CRIM1: variants seen among roughly 807,000 people sequenced by gnomAD.
CRIM1 encodes the protein cysteine-rich motor neuron 1 protein.
In CRIM1, 32 loss-of-function variants were observed where a neutral mutation model predicts 116.4. That is an observed-to-expected ratio of 0.27 (90% confidence interval 0.21 to 0.37). The LOEUF (loss-of-function observed/expected upper bound fraction) is 0.37. CRIM1 is among the 10% of genes least tolerant of loss of function. The pLI, the probability that CRIM1 is intolerant of heterozygous loss-of-function variation, is 1.00. For synonymous variants in CRIM1, 590 were observed against 509.2 expected (o/e 1.16, Z -2.13); for missense variants, 1,331 against 1,354.8 (o/e 0.98, Z 0.28).
intron 4 of CRIM1, among the ~76,000 whole-genome samples, chr2:36,450,969 T>G (rs1014129178): frequency 7.9e-5 from 12 of 152,236 alleles, no homozygotes; most frequent in African/African-American, 2.9e-4. Context: ...TGACTCATAC[T>G]GGATGAGGCC....
chr2:36,469,781 T>G (rs1014962345), intron 5 of CRIM1, among the ~76,000 whole-genome samples: 9 of 152,212 alleles, frequency 5.9e-5, no homozygotes, highest in African/African-American at 4.8e-5. Context: ...AGAGCAATAC[T>G]CCACTCAGTA....
intron 1 of CRIM1, among the ~76,000 whole-genome samples, chr2:36,366,816 A>G (rs1669635423): frequency 1.3e-5 from 2 of 152,236 alleles, no homozygotes; most frequent in African/African-American, 4.8e-5. Flanking sequence ...ACTTCTTTTT[A>G]AGACTGCGAA....
chr2:36,400,860 C>T (rs1672353008), intron 2 of CRIM1, among the ~76,000 whole-genome samples: 1 of 151,998 alleles, frequency 6.6e-6, no homozygotes. Context: ...TGATGGATGA[C>T]CTGGCGAATT....
intron 7 of CRIM1, among the ~76,000 whole-genome samples, chr2:36,491,573 T>C (rs1680228525): frequency 6.6e-6 from 1 of 152,202 alleles, no homozygotes; most frequent in South Asian, 2.1e-4. Flanking sequence ...TACACTGACT[T>C]TAGGTGCTTA....
At chr2:36,433,320 A>G (rs1255150637) in intron 2 of CRIM1, among the ~76,000 whole-genome samples, 1 of 152,208 alleles carries the variant, frequency 6.6e-6, no homozygotes, top group Non-Finnish European at 1.5e-5. Flanking sequence ...TATGAATGCA[A>G]TTCCATAACA....
intron 9 of CRIM1, 113 bp downstream of exon 9, chr2:36,510,252 G>A: frequency 1.0e-6 from 1 of 969,954 alleles, no homozygotes; most frequent in South Asian, 1.7e-5. Flanking sequence ...ATTGAGCCCA[G>A]AATGTCTATA....
chr2:36,362,923 C>T (rs551272514), intron 1 of CRIM1, among the ~76,000 whole-genome samples: 8 of 152,126 alleles, frequency 5.3e-5, no homozygotes, highest in Admixed American at 2.6e-4. Context: ...TGGGGCCGGC[C>T]GTGGTGTCTC....
chr2:36,393,581 T>C (rs1363431725), intron 1 of CRIM1, among the ~76,000 whole-genome samples: 1 of 152,038 alleles, frequency 6.6e-6, no homozygotes, highest in African/African-American at 2.4e-5. Context: ...ATAAAACCAC[T>C]ATGGTAGGGG....
intron 1 of CRIM1, chr2:36,379,044 C>T (rs574066334): frequency 6.6e-6 from 1 of 152,296 alleles, no homozygotes; most frequent in East Asian, 1.9e-4. Flanking sequence ...AGCTAACATA[C>T]ACACATACTC....
chr2:36,475,216 T>C (rs1424377705), intron 5 of CRIM1, among the ~76,000 whole-genome samples: 2 of 152,360 alleles, frequency 1.3e-5, no homozygotes, highest in East Asian at 3.9e-4. Context: ...ATGTTGTCTT[T>C]CAATCCATGA....
intron 3 of CRIM1, among the ~76,000 whole-genome samples, chr2:36,441,971 A>G (rs1250244221): frequency 1.3e-5 from 2 of 152,280 alleles, no homozygotes; most frequent in Admixed American, 1.3e-4. Flanking sequence ...ACTCAGCCCC[A>G]ATCTTTCTCT....
At chr2:36,481,894 G>A (rs1679446610) in intron 7 of CRIM1, among the ~76,000 whole-genome samples, 1 of 152,168 alleles carries the variant, frequency 6.6e-6, no homozygotes, top group African/African-American at 2.4e-5. Flanking sequence ...GCTCTGTTGA[G>A]GAGTGAGGGC....
At chr2:36,360,544 A>G (rs1478979675) in intron 1 of CRIM1, among the ~76,000 whole-genome samples, 1 of 152,188 alleles carries the variant, frequency 6.6e-6, no homozygotes, top group African/African-American at 2.4e-5. Flanking sequence ...AGAACTATGT[A>G]TACATAGTGG....
intron 2 of CRIM1, among the ~76,000 whole-genome samples, chr2:36,425,098 C>T (rs1417176663): frequency 6.6e-6 from 1 of 152,148 alleles, no homozygotes; most frequent in African/African-American, 2.4e-5. Context: ...TCCATGCTAG[C>T]TAATGTTCCT....
chr2:36,519,272 A>G (rs1344932865), intron 12 of CRIM1, among the ~76,000 whole-genome samples: 1 of 152,178 alleles, frequency 6.6e-6, no homozygotes, highest in Non-Finnish European at 1.5e-5. Context: ...GTATGCTAAC[A>G]TGGGTGGCAT....
At chr2:36,363,543 TG>T (rs1200775973) in intron 1 of CRIM1, among the ~76,000 whole-genome samples, 4 of 60,758 alleles carry the variant, frequency 6.6e-5, no homozygotes, top group Non-Finnish European at 1.5e-4. Context: ...CCCCCCCCCA[TG>T]ACTATCTTTT....
chr2:36,466,911 CT>C (rs1482263267), intron 5 of CRIM1, among the ~76,000 whole-genome samples: 4 of 152,048 alleles, frequency 2.6e-5, no homozygotes, highest in Non-Finnish European at 4.4e-5. Flanking sequence ...CCGGAGTGCC[CT>C]TCTTCTCTCC....
At chr2:36,398,696 T>A (rs1314990105) in intron 2 of CRIM1, among the ~76,000 whole-genome samples, 1 of 152,216 alleles carries the variant, frequency 6.6e-6, no homozygotes, top group African/African-American at 2.4e-5. Context: ...GGTTAATGTA[T>A]CTTCTACAAA....
In CRIM1 at chr2:36,381,184, C is replaced by T. The variant is rs1177417786; in HGVS notation, c.332-15430C>T. Among the ~76,000 whole-genome samples, 5 of 152,356 alleles carry T rather than the reference C, an allele frequency of 3.3e-5. No individual in the cohort carries two copies. In the East Asian group the frequency reaches 7.7e-4, roughly 24 times the overall value. Reference sequence around the variant, plus strand: ...AAGCCTCTGGAATGTGGCACTCTGACCCCTGGCAGTTGAGTGTCCTGGATG... The same window carrying T: ...AAGCCTCTGGAATGTGGCACTCTGATCCCTGGCAGTTGAGTGTCCTGGATG... On this transcript the variant is annotated intron_variant, in intron 1 of 16. Transcript: ENST00000280527.
Sources: gnomAD v4.1 joint callset for allele counts (sites outside exome capture counted in the v4.1 genomes callset) on GRCh38, gnomAD v4.1.1 for gene constraint, MANE v1.5 for transcripts, NCBI Gene and HGNC (gene_info 2026-07-23, HGNC 2026-07-21) for gene names.